Variants in SYPL1 observed in about 807,000 individuals in gnomAD.
SYPL1 encodes the protein synaptophysin like 1.
SYPL1 carries 6 observed loss-of-function variants against 23.7 expected under a neutral mutation model. The observed-to-expected ratio is 0.25, with a 90% CI of 0.14 to 0.50. SYPL1 has a LOEUF of 0.50. SYPL1 is among the 20% of genes least tolerant of loss of function. The probability of loss-of-function intolerance (pLI) is 0.98; values close to 1 mark genes in which losing one functional copy is unlikely to be tolerated. For missense variants in SYPL1, 253 were observed against 288.9 expected (o/e 0.88, Z 0.90); for synonymous variants, 102 against 104.5 (o/e 0.98, Z 0.15).
In SYPL1 at chr7:106,096,825, C is replaced by A. The variant is rs1437272144; in HGVS notation, c.402+865G>T. On this transcript the variant is annotated intron_variant, in intron 3 of 4. Coordinates refer to ENST00000455385, the MANE Select transcript of SYPL1 (RefSeq NM_182715.4). The surrounding 1 kb of genome is among the most constrained non-coding windows in gnomAD (Gnocchi z 4.4). ...GCCAAATAGCAACTATTTTTTATCT[C>A]TGTTACAACTACTCAACTTTACCAT... is the stretch of plus-strand genomic sequence containing the variant. Among the ~76,000 whole-genome samples the A allele has an allele frequency of 2.6e-5, 4 of 152,192 alleles. No individual in the cohort carries two copies. The highest frequency in any genetic ancestry group is 5.9e-5 in the Non-Finnish European group (4 of 68,032).
rs1354359385 is a variant in SYPL1 at position 106,096,551 on chromosome 7, C to T, written c.402+1139G>A. On this transcript the variant is annotated intron_variant, in intron 3 of 4. Transcript: ENST00000455385. This position sits in a 1 kb window ranked among gnomAD's most constrained non-coding sequence, Gnocchi z 4.4. ...GAGGTGTAGCTTAAAACCATGATTT[C>T]TCTCTGGATTTGCCACCAATAATCC... is the stretch of plus-strand genomic sequence containing the variant. 1.3e-5 allele frequency among the ~76,000 whole-genome samples: 2 copies of T among 152,188 alleles called. No individual in the cohort carries two copies. Among genetic ancestry groups the T allele is most frequent in the Non-Finnish European group, 2.9e-5 (2 of 68,028 alleles).
At chr7:106,098,175 G>C (rs1223270396) in intron 2 of SYPL1, among the ~76,000 whole-genome samples, 1 of 152,132 alleles carries the variant, frequency 6.6e-6, no homozygotes, top group African/African-American at 2.4e-5. Flanking sequence ...AATTAGGTAG[G>C]AGAGATTATA....
intron 3 of SYPL1, among the ~76,000 whole-genome samples, chr7:106,093,689 T>C (rs1022829745): frequency 3.9e-5 from 5 of 126,862 alleles, no homozygotes; most frequent in African/African-American, 1.2e-4. Context: ...CTCTTGCACA[T>C]ACTCTCAACT....
At chr7:106,110,149 C>A (rs147737917) in intron 1 of SYPL1, among the ~76,000 whole-genome samples, 1 of 152,242 alleles carries the variant, frequency 6.6e-6, no homozygotes, top group African/African-American at 2.4e-5. Context: ...CAAAGATTAA[C>A]CCCAGAAGCA....
At chr7:106,108,465 G>A (rs1314116813) in intron 1 of SYPL1, among the ~76,000 whole-genome samples, 2 of 151,952 alleles carry the variant, frequency 1.3e-5, no homozygotes, top group East Asian at 1.9e-4. Flanking sequence ...CCTGTCTAGC[G>A]GCTTTATGGT....
chr7:106,090,844 C>A lies in SYPL1; in HGVS notation c.*961G>T, dbSNP rs1326580817. 1.3e-5 allele frequency: 2 copies of A among 152,190 alleles called. No homozygotes were observed. Among genetic ancestry groups the A allele is most frequent in the Non-Finnish European group, 1.5e-5 (1 of 68,032 alleles). 9.4% of individuals were successfully genotyped at this position (152,190 alleles called of 1,614,324 possible). ...TAAGAAACATGAAATCCAAATTGCA[C>A]TTATTTTCACAATATCAATGCTAAA... is the stretch of plus-strand genomic sequence containing the variant. On this transcript the variant is annotated 3_prime_UTR_variant, in exon 5 of 5. Transcript: ENST00000455385.
At position 106,112,153 on chromosome 7, in the gene SYPL1, T is replaced by C; in HGVS notation, c.56A>G (p.Lys19Arg). ...NPLKEPLGFI[K>R]VLEWIASIFA... ...GGCTGCACTCACCCACTCGAGGACC[T>C]TGATGAAGCCGAGTGGCTCCTTGAG... Residue 19 changes from lysine to arginine, a missense_variant, in exon 1 of 5, where the codon AAG becomes AGG. Transcript: ENST00000455385. 2.6e-6 allele frequency: 4 copies of C among 1,537,114 alleles called. No homozygotes were observed. The highest frequency in any genetic ancestry group is 3.5e-6 in the Non-Finnish European group (4 of 1,133,794).
chr7:106,099,135 C>G (rs933616820), intron 2 of SYPL1, 23 bp downstream of exon 2: 3 of 1,589,406 alleles, frequency 1.9e-6, no homozygotes, highest in Non-Finnish European at 2.6e-6. Flanking sequence ...AGTTGTGAAA[C>G]CATTAAAATA....
chr7:106,103,141 T>G (rs1840416330), intron 1 of SYPL1, among the ~76,000 whole-genome samples: 1 of 151,840 alleles, frequency 6.6e-6, no homozygotes, highest in Non-Finnish European at 1.5e-5. Context: ...TCATGAAAAA[T>G]GGGGAGGGGA....
intron 1 of SYPL1, among the ~76,000 whole-genome samples, chr7:106,110,673 A>G (rs534378570): frequency 2.6e-4 from 39 of 152,344 alleles, no homozygotes; most frequent in Admixed American, 1.4e-3. Context: ...TTAAAAAGGG[A>G]TATTTTTCAA....
rs1245092761 is a variant in SYPL1, at chr7:106,090,664, C to CG, written c.*1140_*1141insC. 2 of 152,546 alleles carry CG rather than the reference C, an allele frequency of 1.3e-5. No individual in the cohort carries two copies. The highest frequency in any genetic ancestry group is 3.8e-4 in the East Asian group (2 of 5,196). 9.4% of individuals were successfully genotyped at this position (152,546 alleles called of 1,614,324 possible). A position where few individuals can be genotyped will look rare whatever the true frequency, so the allele number is the denominator to read the frequency against. ...AGAATAAGAAACCTGAATCCCTGTA[C>CG]AACAAAAAGATTAGGAAGCAAAATG... On this transcript the variant is annotated 3_prime_UTR_variant, in exon 5 of 5. Transcript: ENST00000455385.
chr7:106,099,686 G>A (rs754077188), intron 1 of SYPL1, among the ~76,000 whole-genome samples: 1 of 152,038 alleles, frequency 6.6e-6, no homozygotes, highest in Non-Finnish European at 1.5e-5. Context: ...GAGTCACTGT[G>A]CCCAGCCCCC....
rs765227053 is a variant in SYPL1, at chr7:106,096,145, T to A, written c.402+1545A>T. 1 of 152,206 alleles carries A rather than the reference T, an allele frequency of 6.6e-6. No homozygotes were observed. The highest frequency in any genetic ancestry group is 1.5e-5 in the Non-Finnish European group (1 of 68,024). 9.4% of individuals were successfully genotyped at this position (152,206 alleles called of 1,614,324 possible). ...AGACACAGATTCCTAACAAGTATGT[T>A]GGATAAGCACTGCAAATTAAAACAG... is the stretch of plus-strand genomic sequence containing the variant. On this transcript the variant is annotated intron_variant, in intron 3 of 4. Coordinates refer to ENST00000455385, the MANE Select transcript of SYPL1 (RefSeq NM_182715.4). The surrounding 1 kb of genome is among the most constrained non-coding windows in gnomAD (Gnocchi z 4.4).
intron 4 of SYPL1, 99 bp from the exon 5 acceptor site, chr7:106,092,038 T>G: frequency 8.4e-7 from 1 of 1,196,578 alleles, no homozygotes; most frequent in Non-Finnish European, 1.1e-6. Flanking sequence ...TTTAACATTT[T>G]TAGGAAGTAC....
intron 2 of SYPL1, among the ~76,000 whole-genome samples, chr7:106,098,679 A>AATT (rs1840153738): frequency 6.6e-6 from 1 of 152,216 alleles, no homozygotes; most frequent in African/African-American, 2.4e-5. Flanking sequence ...TACTTTAAGA[A>AATT]AGTGTGGCTT....
At chr7:106,110,140 A>C (rs752387426) in intron 1 of SYPL1, among the ~76,000 whole-genome samples, 8 of 152,190 alleles carry the variant, frequency 5.3e-5, no homozygotes, top group Non-Finnish European at 1.2e-4. Flanking sequence ...CCAGATTCCC[A>C]AAGATTAACC....
upstream of SYPL1, chr7:106,112,413 TG>T: frequency 9.8e-7 from 1 of 1,015,560 alleles, no homozygotes; most frequent in South Asian, 1.8e-5. Flanking sequence ...GGAAACGGAG[TG>T]GGGCGGCTGG....
In SYPL1 at chr7:106,104,467, G is replaced by T. The variant is rs1014496451; in HGVS notation, c.70-5185C>A. 6.6e-6 allele frequency among the ~76,000 whole-genome samples: 1 copy of T among 152,176 alleles called. No individual in the cohort carries two copies. Among genetic ancestry groups the T allele is most frequent in the South Asian group, 2.1e-4 (1 of 4,832 alleles). ...TAAATGGCATACTGCACTACAGCTT[G>T]TTGCTTTCAAGACTATCACTTCTAC... On this transcript the variant is annotated intron_variant, in intron 1 of 4. Transcript: ENST00000455385. This position sits in a 1 kb window ranked among gnomAD's most constrained non-coding sequence, Gnocchi z 4.1.
chr7:106,111,258 G>C (rs1790129138), intron 1 of SYPL1, among the ~76,000 whole-genome samples: 1 of 152,174 alleles, frequency 6.6e-6, no homozygotes, highest in South Asian at 2.1e-4. Context: ...TATCACTAAG[G>C]AAAAGGGCGA....
Sources: gnomAD v4.1 joint callset for allele counts (sites outside exome capture counted in the v4.1 genomes callset) on GRCh38, gnomAD v4.1.1 for gene constraint, Gnocchi (gnomAD v3.1) non-coding constraint, MANE v1.5 for transcripts, NCBI Gene and HGNC (gene_info 2026-07-23, HGNC 2026-07-21) for gene names.